GABPB2: variants seen among roughly 807,000 people sequenced by gnomAD.
GABPB2 encodes the protein GA binding protein transcription factor subunit beta 2, also known as GA-binding protein subunit beta-2.
GABPB2 carries 23 observed loss-of-function variants against 39.1 expected under a neutral mutation model. That is an observed-to-expected ratio of 0.59 (90% confidence interval 0.42 to 0.83). The LOEUF (loss-of-function observed/expected upper bound fraction) is 0.83, where lower values mean the gene tolerates loss of function less well. Among genes scored for constraint, GABPB2 ranks in the 40% least tolerant of loss-of-function variants. The pLI, the probability that GABPB2 is intolerant of heterozygous loss-of-function variation, is 0.00. For synonymous variants in GABPB2, 184 were observed against 199.3 expected (o/e 0.92, Z 0.65); for missense variants, 467 against 541.1 (o/e 0.86, Z 1.36).
rs1403797075 is a variant in GABPB2, at chr1:151,124,149, T to C, written c.*5893T>C. The C allele has an allele frequency of 6.7e-6, 1 of 149,574 alleles. No individual in the cohort carries two copies. Among genetic ancestry groups the C allele is most frequent in the Non-Finnish European group, 1.5e-5 (1 of 67,570 alleles). 9.3% of individuals were successfully genotyped at this position (149,574 alleles called of 1,614,324 possible). A position where few individuals can be genotyped will look rare whatever the true frequency, so the allele number is the denominator to read the frequency against. The stretch of plus-strand genomic sequence containing the variant: ...GAAATATCAGTTTGAGAAATGATTT[T>C]TTTTTCTTTTTTCTTTTCTTTTTTT... On this transcript the variant is annotated 3_prime_UTR_variant, in exon 9 of 9. Transcript: ENST00000368918.
In GABPB2 at chr1:151,117,446, A is replaced by C. The variant is rs1183060488; in HGVS notation, c.977A>C (p.Glu326Ala). ...GAGGAGACTGTAATTAAAGAGGAAG[A>C]AGAAGAGAAGTTGCCACTAACAAAG... ...VAEETVIKEE[E>A]EEKLPLTKKP... is the part of the protein sequence containing the mutation. Residue 326 changes from glutamate to alanine, a missense_variant, in exon 8 of 9, where the codon GAA becomes GCA. Coordinates refer to ENST00000368918, the MANE Select transcript of GABPB2 (RefSeq NM_144618.3). 1 of 1,613,844 alleles carries C rather than the reference A, an allele frequency of 6.2e-7. No homozygotes were observed. The highest frequency in any genetic ancestry group is 1.7e-5 in the Admixed American group (1 of 60,020).
intron 8 of GABPB2, 135 bp from the exon 9 acceptor site, chr1:151,117,822 A>G (rs1389602025): frequency 2.3e-6 from 2 of 874,280 alleles, no homozygotes; most frequent in Admixed American, 2.4e-5. Context: ...GACCTCAGAT[A>G]ATCTGCCTAC....
At chr1:151,084,522 G>C (rs927882875) in intron 1 of GABPB2, among the ~76,000 whole-genome samples, 21 of 135,736 alleles carry the variant, frequency 1.5e-4, no homozygotes, top group Non-Finnish European at 2.4e-4. Context: ...CACCGCGCCC[G>C]GCCCTAGCTG....
intron 5 of GABPB2, 101 bp from the exon 6 acceptor site, chr1:151,103,461 C>A: frequency 1.4e-6 from 1 of 709,264 alleles, no homozygotes; most frequent in Non-Finnish European, 2.5e-6. Flanking sequence ...AGATTGAGGA[C>A]ATTAGAAGGA....
In GABPB2 at chr1:151,121,332, AC is replaced by A. The variant is rs1306645299; in HGVS notation, c.*3078del. Reference sequence around the variant, plus strand: ...ATAAGAACTGTCAGTGCCATAAAGAACCAAAGATTCTGGCTACTTTGTCTTC... The same window carrying A: ...ATAAGAACTGTCAGTGCCATAAAGAACAAAGATTCTGGCTACTTTGTCTTC... On this transcript the variant is annotated 3_prime_UTR_variant, in exon 9 of 9. Transcript: ENST00000368918. The A allele has an allele frequency of 6.6e-6, 1 of 152,098 alleles. No homozygotes were observed. The highest frequency in any genetic ancestry group is 1.5e-5 in the Non-Finnish European group (1 of 68,030). 9.4% of individuals were successfully genotyped at this position (152,098 alleles called of 1,614,324 possible).
chr1:151,091,149 A>G (rs1409463387), intron 3 of GABPB2, among the ~76,000 whole-genome samples: 1 of 151,350 alleles, frequency 6.6e-6, no homozygotes, highest in Non-Finnish European at 1.5e-5. Context: ...GTGCAGTGGC[A>G]CGATCTCTGC....
intron 7 of GABPB2, among the ~76,000 whole-genome samples, chr1:151,115,660 C>A (rs1680809330): frequency 6.6e-6 from 1 of 152,096 alleles, no homozygotes; most frequent in Admixed American, 6.6e-5. Context: ...CTCGACCCCC[C>A]AAAGTGCTGG....
At chr1:151,117,346 T>C (rs1680953046) in intron 7 of GABPB2, 46 bp from the exon 8 acceptor site, 1 of 1,583,808 alleles carries the variant, frequency 6.3e-7, no homozygotes, top group Non-Finnish European at 8.6e-7. Context: ...ACCTCTTTGT[T>C]TTATTATGCA....
chr1:151,100,198 G>C (rs1358669570), intron 5 of GABPB2, among the ~76,000 whole-genome samples: 1 of 148,446 alleles, frequency 6.7e-6, no homozygotes, highest in African/African-American at 2.5e-5. Context: ...AGGCTGGAGT[G>C]CAGTGGCCCA....
Position 151,080,203 on chromosome 1 carries a change from C to A in GABPB2, c.1-7987C>A, listed in dbSNP as rs1191074283. 6.7e-3 allele frequency among the ~76,000 whole-genome samples: 519 copies of A among 77,122 alleles called. No individual in the cohort carries two copies. In the Middle Eastern group the frequency reaches 0.12, roughly 17 times the overall value. The allele number at this position is 77,122 out of a possible 152,430, so 50.6% of individuals were successfully genotyped here. A position where few individuals can be genotyped will look rare whatever the true frequency, so the allele number is the denominator to read the frequency against. ...GCACTCCAGCCTGGGCAACAAGAGC[C>A]AAACTCCATCTCAAAAAAAAAAAAA... is the stretch of plus-strand genomic sequence containing the variant. On this transcript the variant is annotated intron_variant, in intron 1 of 8. Transcript: ENST00000368918.
intron 7 of GABPB2, among the ~76,000 whole-genome samples, chr1:151,115,725 C>T (rs951867169): frequency 3.9e-5 from 6 of 152,160 alleles, no homozygotes; most frequent in Admixed American, 2.6e-4. Context: ...TCTAGAGCGG[C>T]TGTACCATTT....
intron 1 of GABPB2, among the ~76,000 whole-genome samples, chr1:151,082,093 T>G (rs1677758496): frequency 6.6e-6 from 1 of 150,518 alleles, no homozygotes; most frequent in African/African-American, 2.4e-5. Flanking sequence ...TTTTTTTTTT[T>G]TGAGATGGAG....
At chr1:151,108,566 A>T (rs111652201) in intron 7 of GABPB2, among the ~76,000 whole-genome samples, 1 of 151,708 alleles carries the variant, frequency 6.6e-6, no homozygotes, top group Non-Finnish European at 1.5e-5. Flanking sequence ...CGGTGGTGCA[A>T]TCATGGGTCA....
chr1:151,086,307 A>G (rs1678189078), intron 1 of GABPB2, among the ~76,000 whole-genome samples: 2 of 152,128 alleles, frequency 1.3e-5, no homozygotes, highest in African/African-American at 2.4e-5. Flanking sequence ...ATAAACACAT[A>G]TATTCAGGTG....
At chr1:151,117,600 T>C in intron 8 of GABPB2, 84 bp downstream of exon 8, 1 of 1,454,536 alleles carries the variant, frequency 6.9e-7, no homozygotes. Context: ...TTTTTTCTTT[T>C]TGAGACGGAG....
At chr1:151,087,717 C>T (rs774645663) in intron 1 of GABPB2, among the ~76,000 whole-genome samples, 2 of 152,110 alleles carry the variant, frequency 1.3e-5, no homozygotes, top group African/African-American at 4.8e-5. Context: ...ATCCAAAGAC[C>T]TACAAACCTC....
chr1:151,093,614 ATATT>A (rs1678884998), intron 4 of GABPB2, among the ~76,000 whole-genome samples: 1 of 148,710 alleles, frequency 6.7e-6, no homozygotes. Flanking sequence ...TTTTTTATAT[ATATT>A]TTTTAATATA....
intron 1 of GABPB2, among the ~76,000 whole-genome samples, chr1:151,087,455 T>C (rs1263122682): frequency 6.6e-6 from 1 of 151,926 alleles, no homozygotes; most frequent in Non-Finnish European, 1.5e-5. Flanking sequence ...AAGACCAGCC[T>C]GGCCAACATG....
At chr1:151,102,974 A>G (rs587668668) in intron 5 of GABPB2, among the ~76,000 whole-genome samples, 24 of 151,822 alleles carry the variant, frequency 1.6e-4, no homozygotes, top group African/African-American at 5.8e-4. Flanking sequence ...GTTAGCTACT[A>G]ATGCTCAGCA....
Sources: allele counts gnomAD v4.1 joint callset (sites outside exome capture counted in the v4.1 genomes callset), GRCh38; gene constraint gnomAD v4.1.1; transcripts MANE v1.5; gene names NCBI Gene and HGNC (gene_info 2026-07-23, HGNC 2026-07-21).